The following NFATC1 variants were observed in gnomAD, a reference collection of about 807,000 sequenced individuals.
The protein encoded by NFATC1 is nuclear factor of activated T-cells, cytoplasmic 1.
NFATC1 carries 22 observed loss-of-function variants against 76.0 expected under a neutral mutation model. The ratio of observed to expected loss-of-function variants is 0.29; its 90% CI spans 0.21 to 0.41. NFATC1 has a LOEUF of 0.41. Among genes scored for constraint, NFATC1 ranks in the 10% least tolerant of loss-of-function variants. The pLI is 1.00. For synonymous variants in NFATC1, 704 were observed against 613.1 expected (o/e 1.15, Z -2.19); for missense variants, 1,357 against 1,337.7 (o/e 1.01, Z -0.23).
At chr18:79,492,903 T>C (rs1430792738) in intron 9 of NFATC1, among the ~76,000 whole-genome samples, 1 of 75,892 alleles carries the variant, frequency 1.3e-5, no homozygotes, top group African/African-American at 7.1e-5. Context: ...GAATCCAGCT[T>C]TTTTTTTTTT....
intron 2 of NFATC1, among the ~76,000 whole-genome samples, chr18:79,431,035 A>G (rs1053354515): frequency 6.6e-6 from 1 of 152,246 alleles, no homozygotes; most frequent in Non-Finnish European, 1.5e-5. Context: ...CAGCTCTGAC[A>G]GTACAGCCCA....
intron 8 of NFATC1, chr18:79,467,989 C>T (rs2088605019): frequency 3.0e-6 from 3 of 1,009,280 alleles, no homozygotes; most frequent in African/African-American, 3.5e-5. Context: ...ATAAACTTTG[C>T]TTTTAAGCCT....
intron 8 of NFATC1, among the ~76,000 whole-genome samples, chr18:79,478,506 G>A (rs968400848): frequency 6.6e-6 from 1 of 152,220 alleles, no homozygotes; most frequent in Non-Finnish European, 1.5e-5. Context: ...ACCGTTCGAG[G>A]GGCTGCGGTG....
At chr18:79,450,838 G>C in intron 4 of NFATC1, 116 bp from the exon 5 acceptor site, 1 of 1,344,712 alleles carries the variant, frequency 7.4e-7, no homozygotes, top group South Asian at 1.4e-5. Flanking sequence ...AGAGTGGCCA[G>C]CTGCCTGGCA....
intron 2 of NFATC1, among the ~76,000 whole-genome samples, chr18:79,430,864 T>G (rs2086566261): frequency 6.6e-6 from 1 of 152,184 alleles, no homozygotes; most frequent in Admixed American, 6.5e-5. Context: ...CCCCTCTCCC[T>G]TCCCCAGAAA....
chr18:79,410,995 C>T lies in NFATC1; in HGVS notation c.720C>T (p.Thr240=). ...LLGSPRHSPS[T]SPRASVTEES... is the part of the protein sequence containing the mutation. ...GTTCCCCGCGGCACTCCCCCTCCAC[C>T]TCGCCCCGCGCCAGCGTCACTGAGG... Residue 240 remains threonine (T), a synonymous_variant, in exon 2 of 10, where the codon ACC becomes ACT. Coordinates refer to ENST00000427363, the MANE Select transcript of NFATC1 (RefSeq NM_001278669.2). This position sits in a 1 kb window ranked among gnomAD's most constrained non-coding sequence, Gnocchi z 6.7. The T allele has an allele frequency of 6.2e-7, 1 of 1,608,578 alleles. No individual in the cohort carries two copies. The highest frequency in any genetic ancestry group is 8.5e-7 in the Non-Finnish European group (1 of 1,177,912).
intron 9 of NFATC1, among the ~76,000 whole-genome samples, chr18:79,503,415 C>A (rs559124205): frequency 2.0e-5 from 3 of 152,274 alleles, no homozygotes; most frequent in Admixed American, 6.5e-5. Flanking sequence ...TTTGTACCTG[C>A]GTGGGGTGAC....
chr18:79,414,847 G>A (rs2085822514), intron 2 of NFATC1, among the ~76,000 whole-genome samples: 1 of 152,228 alleles, frequency 6.6e-6, no homozygotes, highest in African/African-American at 2.4e-5. Context: ...TGTTGAGGGT[G>A]CAACAGGAGG....
chr18:79,443,157 T>C (rs1229421094), intron 3 of NFATC1, among the ~76,000 whole-genome samples: 1 of 152,230 alleles, frequency 6.6e-6, no homozygotes, highest in Non-Finnish European at 1.5e-5. Context: ...GTTTTATCTG[T>C]GGATCTGAAC....
rs73492177 is a variant in NFATC1, at chr18:79,409,484, A to C, written c.128-919A>C. 1.9e-3 allele frequency among the ~76,000 whole-genome samples: 278 copies of C among 149,436 alleles called. 2 individuals carry two copies. Among genetic ancestry groups the C allele is most frequent in the African/African-American group, 6.5e-3 (261 of 40,400 alleles). ...TTTACCTATCATGCCTCCATCCCCA[A>C]TGCATCATTCATCCATCCATCCGTT... On this transcript the variant is annotated intron_variant, in intron 1 of 9. Coordinates refer to ENST00000427363, the MANE Select transcript of NFATC1 (RefSeq NM_001278669.2).
chr18:79,473,091 C>T (rs2088852985), intron 8 of NFATC1, among the ~76,000 whole-genome samples: 1 of 152,262 alleles, frequency 6.6e-6, no homozygotes, highest in East Asian at 1.9e-4. Context: ...AGAAGTCCTA[C>T]CTGATTTCAG....
At chr18:79,499,727 A>G (rs1391036740) in intron 9 of NFATC1, among the ~76,000 whole-genome samples, 1 of 152,226 alleles carries the variant, frequency 6.6e-6, no homozygotes, top group South Asian at 2.1e-4. Context: ...ATATGGAGAT[A>G]ATGGAAAAAA....
intron 2 of NFATC1, among the ~76,000 whole-genome samples, chr18:79,419,702 C>G (rs2086004825): frequency 2.0e-5 from 3 of 152,310 alleles, no homozygotes; most frequent in Non-Finnish European, 4.4e-5. Context: ...GTGTCTGGTC[C>G]TGATGTGCGT....
intron 2 of NFATC1, among the ~76,000 whole-genome samples, chr18:79,413,978 C>T (rs1221311899): frequency 6.6e-6 from 1 of 152,150 alleles, no homozygotes; most frequent in Non-Finnish European, 1.5e-5. Flanking sequence ...AAACAAAGCT[C>T]AGTAAATATG....
chr18:79,522,197 G>T (rs35768451), intron 9 of NFATC1, among the ~76,000 whole-genome samples: 15,219 of 44,436 alleles, frequency 0.34, 3,590 homozygotes, highest in African/African-American at 0.44. Flanking sequence ...TGTGTGTGTG[G>T]GGGGGGGTGT....
At chr18:79,405,954 C>A (rs1416483384) in intron 1 of NFATC1, among the ~76,000 whole-genome samples, 1 of 152,150 alleles carries the variant, frequency 6.6e-6, no homozygotes, top group Non-Finnish European at 1.5e-5. Flanking sequence ...GTCACAGAAA[C>A]GTCAAGGGCT....
chr18:79,411,781 T>G (rs920811261), intron 2 of NFATC1, among the ~76,000 whole-genome samples: 1 of 152,222 alleles, frequency 6.6e-6, no homozygotes, highest in African/African-American at 2.4e-5. Flanking sequence ...GATGGCCTCG[T>G]GTTCGCTCAG....
At chr18:79,405,555 G>A (rs1394740058) in intron 1 of NFATC1, among the ~76,000 whole-genome samples, 2 of 152,248 alleles carry the variant, frequency 1.3e-5, no homozygotes, top group African/African-American at 4.8e-5. Flanking sequence ...TCACAGCCAG[G>A]ACAGTGGCCC....
At chr18:79,407,459 T>C (rs1600603885) in intron 1 of NFATC1, among the ~76,000 whole-genome samples, 1 of 152,132 alleles carries the variant, frequency 6.6e-6, no homozygotes, top group South Asian at 2.1e-4. Flanking sequence ...TATTGATTTA[T>C]TGATTTGACA....
Sources: allele counts gnomAD v4.1 joint callset (sites outside exome capture counted in the v4.1 genomes callset), GRCh38; gene constraint gnomAD v4.1.1; non-coding constraint Gnocchi (gnomAD v3.1); transcripts MANE v1.5; gene names NCBI Gene and HGNC (gene_info 2026-07-23, HGNC 2026-07-21).